Variants in PLEKHG1 observed in about 807,000 individuals in gnomAD.
PLEKHG1 encodes pleckstrin homology and RhoGEF domain containing G1.
PLEKHG1 carries 44 observed loss-of-function variants against 100.8 expected under a neutral mutation model. The ratio of observed to expected loss-of-function variants is 0.44; its 90% CI spans 0.34 to 0.56. The LOEUF (loss-of-function observed/expected upper bound fraction) is 0.56. Among genes scored for constraint, PLEKHG1 ranks in the 20% least tolerant of loss-of-function variants. PLEKHG1 has a pLI of 0.01. For missense variants in PLEKHG1, 1,545 were observed against 1,720.9 expected (o/e 0.90, Z 1.81); for synonymous variants, 640 against 662.5 (o/e 0.97, Z 0.52).
chr6:150,744,979 A>T (rs1261217738), intron 2 of PLEKHG1, among the ~76,000 whole-genome samples: 2 of 152,230 alleles, frequency 1.3e-5, no homozygotes, highest in Non-Finnish European at 2.9e-5. Flanking sequence ...TATAGATGAT[A>T]GAGGGAAAGA....
intron 3 of PLEKHG1, among the ~76,000 whole-genome samples, chr6:150,781,436 C>T (rs1385081195): frequency 1.3e-5 from 2 of 151,070 alleles, no homozygotes; most frequent in Non-Finnish European, 2.9e-5. Flanking sequence ...ACCTAGGAAG[C>T]GGAGGTTGCA....
chr6:150,724,066 G>A (rs1781834977), intron 1 of PLEKHG1, among the ~76,000 whole-genome samples: 1 of 152,174 alleles, frequency 6.6e-6, no homozygotes, highest in South Asian at 2.1e-4. Flanking sequence ...TTTTAAATGT[G>A]GTGCCTCAGG....
chr6:150,616,888 A>G (rs1375610035), intron 1 of PLEKHG1, among the ~76,000 whole-genome samples: 2 of 83,198 alleles, frequency 2.4e-5, no homozygotes, highest in Admixed American at 1.6e-4. Context: ...TTGAGGTTGC[A>G]GTATTCTCAA....
intron 1 of PLEKHG1, among the ~76,000 whole-genome samples, chr6:150,729,631 G>A (rs190144618): frequency 7.9e-5 from 12 of 152,266 alleles, no homozygotes; most frequent in Middle Eastern, 3.4e-3. Flanking sequence ...CTCATATTAC[G>A]TGCCATTATA....
chr6:150,833,043 A>ATT (rs57683244), intron 15 of PLEKHG1, among the ~76,000 whole-genome samples: 31 of 133,524 alleles, frequency 2.3e-4, no homozygotes, highest in East Asian at 4.5e-4. Context: ...TTACTACTCA[A>ATT]TTTTTTTTTT....
chr6:150,657,403 G>C (rs1779011356), intron 3 of PLEKHG1, among the ~76,000 whole-genome samples: 1 of 152,196 alleles, frequency 6.6e-6, no homozygotes, highest in Admixed American at 6.5e-5. Flanking sequence ...GGCTTCGCTT[G>C]TGAAAGGGCC....
In PLEKHG1 at chr6:150,709,821, C is replaced by T. The variant is rs376087391; in HGVS notation, c.-98-23763C>T. Among the ~76,000 whole-genome samples, 12 of 152,056 alleles carry T rather than the reference C, an allele frequency of 7.9e-5. No individual in the cohort carries two copies. In the East Asian group the frequency reaches 1.7e-3, roughly 22 times the overall value. ...TGTTTGTTTTTGAGACAGTTTTGTT[C>T]TTTTGCCCAGGCTGGACTCCAGTGG... is the stretch of plus-strand genomic sequence containing the variant. On this transcript the variant is annotated intron_variant, in intron 3 of 3. Transcript: ENST00000367326.
intron 15 of PLEKHG1, among the ~76,000 whole-genome samples, chr6:150,835,211 C>G (rs570089048): frequency 6.6e-6 from 1 of 152,168 alleles, no homozygotes; most frequent in Non-Finnish European, 1.5e-5. Flanking sequence ...CCTGTCATAG[C>G]ATGCTGGCCA....
At chr6:150,651,628 G>A (rs1425190105) in intron 3 of PLEKHG1, among the ~76,000 whole-genome samples, 1 of 152,112 alleles carries the variant, frequency 6.6e-6, no homozygotes, top group African/African-American at 2.4e-5. Flanking sequence ...GGAGGCCAAG[G>A]TGGGCAGATC....
intron 1 of PLEKHG1, among the ~76,000 whole-genome samples, chr6:150,634,250 C>CAAAAAAAAAA (rs139347441): frequency 5.8e-5 from 7 of 120,318 alleles, no homozygotes; most frequent in African/African-American, 2.2e-4. Flanking sequence ...ATCTCCCCCC[C>CAAAAAAAAAA]AAAAAAAAAA....
At chr6:150,777,854 C>T (rs560425410) in intron 3 of PLEKHG1, among the ~76,000 whole-genome samples, 1 of 152,292 alleles carries the variant, frequency 6.6e-6, no homozygotes, top group African/African-American at 2.4e-5. Flanking sequence ...GTTAGTTACA[C>T]TGATTCAATG....
At chr6:150,740,460 G>A (rs1008552783) in intron 2 of PLEKHG1, among the ~76,000 whole-genome samples, 2 of 152,120 alleles carry the variant, frequency 1.3e-5, no homozygotes, top group East Asian at 1.9e-4. Context: ...GGGAATTGTC[G>A]CAGATTTTAT....
intron 1 of PLEKHG1, among the ~76,000 whole-genome samples, chr6:150,721,765 T>C (rs1781684824): frequency 6.6e-6 from 1 of 152,216 alleles, no homozygotes; most frequent in African/African-American, 2.4e-5. Context: ...GGAACAATGA[T>C]TGGGGCAAAG....
At chr6:150,705,077 G>A (rs1392867011) in intron 3 of PLEKHG1, among the ~76,000 whole-genome samples, 1 of 152,056 alleles carries the variant, frequency 6.6e-6, no homozygotes, top group Non-Finnish European at 1.5e-5. Context: ...TGGGCGGGGG[G>A]ACAAAATTCA....
At chr6:150,756,691 G>T (rs1453127735) in intron 2 of PLEKHG1, among the ~76,000 whole-genome samples, 1 of 152,090 alleles carries the variant, frequency 6.6e-6, no homozygotes, top group Non-Finnish European at 1.5e-5. Context: ...AGTTAATATT[G>T]TCCAGGTAAC....
chr6:150,792,711 C>T (rs549793364), intron 4 of PLEKHG1, among the ~76,000 whole-genome samples: 310 of 152,194 alleles, frequency 2.0e-3, no homozygotes, highest in Non-Finnish European at 3.8e-3. Flanking sequence ...CACACCACTT[C>T]CTAACTCTGT....
intron 3 of PLEKHG1, among the ~76,000 whole-genome samples, chr6:150,711,920 C>T (rs369860063): frequency 3.9e-5 from 6 of 152,130 alleles, no homozygotes; most frequent in Non-Finnish European, 5.9e-5. Context: ...ATTGTATCAC[C>T]GTGTAAAAAA....
At chr6:150,775,585 A>G (rs1784919496) in intron 3 of PLEKHG1, among the ~76,000 whole-genome samples, 1 of 152,264 alleles carries the variant, frequency 6.6e-6, no homozygotes, top group African/African-American at 2.4e-5. Context: ...TAATCAAGGA[A>G]GGAACAGAAT....
intron 1 of PLEKHG1, among the ~76,000 whole-genome samples, chr6:150,624,135 A>G (rs894593614): frequency 6.6e-6 from 1 of 152,158 alleles, no homozygotes; most frequent in Non-Finnish European, 1.5e-5. Flanking sequence ...TTTATTACAC[A>G]TTTCTCATTC....
Sources: gnomAD v4.1 joint callset for allele counts (sites outside exome capture counted in the v4.1 genomes callset) on GRCh38, gnomAD v4.1.1 for gene constraint, MANE v1.5 for transcripts, NCBI Gene and HGNC (gene_info 2026-07-23, HGNC 2026-07-21) for gene names.